The following MACROD2 variants were observed in gnomAD, a reference collection of about 807,000 sequenced individuals.
MACROD2 encodes the protein mono-ADP ribosylhydrolase 2.
In MACROD2, 36 loss-of-function variants were observed where a neutral mutation model predicts 70.4. That is an observed-to-expected ratio of 0.51 (90% CI 0.39 to 0.68). The LOEUF is 0.68. MACROD2 is among the 30% of genes least tolerant of loss of function. The pLI, the probability that MACROD2 is intolerant of heterozygous loss-of-function variation, is 0.00. For synonymous variants in MACROD2, 172 were observed against 178.8 expected (o/e 0.96, Z 0.30); for missense variants, 496 against 538.4 (o/e 0.92, Z 0.78).
chr20:14,016,612 C>T (rs1019913172), intron 2 of MACROD2, among the ~76,000 whole-genome samples: 2 of 151,904 alleles, frequency 1.3e-5, no homozygotes, highest in Admixed American at 6.6e-5. Context: ...CATGTTGATA[C>T]CCAGTTTTCC....
intron 2 of MACROD2, among the ~76,000 whole-genome samples, chr20:14,008,700 G>A (rs146802857): frequency 2.4e-3 from 359 of 152,140 alleles, no homozygotes; most frequent in African/African-American, 8.3e-3. Flanking sequence ...GAGGCATCAC[G>A]CTACCTGACT....
intron 3 of MACROD2, among the ~76,000 whole-genome samples, chr20:14,471,265 C>T (rs1229139052): frequency 6.6e-6 from 1 of 152,152 alleles, no homozygotes; most frequent in Non-Finnish European, 1.5e-5. Flanking sequence ...ACTGTCTAAC[C>T]AGTCCCAATG....
At chr20:14,504,720 A>G (rs1600313100) in intron 4 of MACROD2, among the ~76,000 whole-genome samples, 1 of 152,204 alleles carries the variant, frequency 6.6e-6, no homozygotes, top group South Asian at 2.1e-4. Context: ...TTTGAATATG[A>G]TACAGTATCC....
chr20:14,503,730 ACT>A (rs1430401191), intron 4 of MACROD2, among the ~76,000 whole-genome samples: 2 of 152,166 alleles, frequency 1.3e-5, no homozygotes, highest in African/African-American at 2.4e-5. Flanking sequence ...AAATCCACTA[ACT>A]CTGCAACTTC....
At chr20:14,099,004 G>T (rs112233803) in intron 3 of MACROD2, among the ~76,000 whole-genome samples, 1 of 152,158 alleles carries the variant, frequency 6.6e-6, no homozygotes, top group Admixed American at 6.5e-5. Flanking sequence ...ACGTGGCTGG[G>T]TGTGGTGGCT....
At chr20:15,781,735 A>T (rs995618914) in intron 8 of MACROD2, among the ~76,000 whole-genome samples, 6 of 152,160 alleles carry the variant, frequency 3.9e-5, no homozygotes, top group African/African-American at 1.4e-4. Context: ...TTTAGAGAGG[A>T]CACAGTCAAA....
chr20:14,161,240 T>G (rs2055183545), intron 3 of MACROD2, among the ~76,000 whole-genome samples: 1 of 149,442 alleles, frequency 6.7e-6, no homozygotes, highest in African/African-American at 2.5e-5. Context: ...CAGACTGGAG[T>G]GCAGTGGCAT....
At chr20:15,989,583 T>A (rs1276202428) in intron 15 of MACROD2, among the ~76,000 whole-genome samples, 1 of 149,982 alleles carries the variant, frequency 6.7e-6, no homozygotes, top group Admixed American at 6.6e-5. Flanking sequence ...AAGTAGCAAT[T>A]TTTTTTACTT....
Position 15,881,449 on chromosome 20 carries a change from C to T in MACROD2, c.728-4315C>T, listed in dbSNP as rs146693591. Among the ~76,000 whole-genome samples, 445 of 152,174 alleles carry T rather than the reference C, an allele frequency of 2.9e-3. 3 individuals carry two copies. The highest frequency in any genetic ancestry group is 0.01 in the African/African-American group (420 of 41,524). The stretch of plus-strand genomic sequence containing the variant: ...CATGCACTAAGTCAGCCTCTGGATA[C>T]GGGCCACAGGACCAGTTGAGTAATG... On this transcript the variant is annotated intron_variant, in intron 9 of 17. Transcript: ENST00000684519.
intron 4 of MACROD2, among the ~76,000 whole-genome samples, chr20:14,573,728 G>T (rs1980378119): frequency 1.3e-5 from 2 of 152,110 alleles, no homozygotes; most frequent in African/African-American, 4.8e-5. Context: ...AGAGTAGACT[G>T]TTGAAAAAGT....
intron 5 of MACROD2, among the ~76,000 whole-genome samples, chr20:15,151,057 A>G (rs1252161902): frequency 6.6e-6 from 1 of 152,002 alleles, no homozygotes; most frequent in Non-Finnish European, 1.5e-5. Context: ...ACGATGGTCT[A>G]CAGGGCTTCC....
chr20:14,980,154 G>A (rs2074783896), intron 5 of MACROD2, among the ~76,000 whole-genome samples: 2 of 152,064 alleles, frequency 1.3e-5, no homozygotes, highest in Non-Finnish European at 2.9e-5. Context: ...TCATCCTGAA[G>A]GTGGAAGTAT....
At chr20:15,353,692 T>A (rs1055740119) in intron 6 of MACROD2, among the ~76,000 whole-genome samples, 21 of 146,104 alleles carry the variant, frequency 1.4e-4, no homozygotes, top group African/African-American at 5.4e-4. Context: ...GGGCAAAGGA[T>A]ATGAACAGAC....
intron 6 of MACROD2, among the ~76,000 whole-genome samples, chr20:15,370,659 A>G (rs2045479404): frequency 6.6e-6 from 1 of 152,250 alleles, no homozygotes; most frequent in South Asian, 2.1e-4. Flanking sequence ...GCTATTGTAT[A>G]AGACTGAGAC....
At chr20:14,193,978 G>C (rs1243139774) in intron 3 of MACROD2, among the ~76,000 whole-genome samples, 1 of 152,184 alleles carries the variant, frequency 6.6e-6, no homozygotes, top group East Asian at 1.9e-4. Context: ...ATTGGAAGAA[G>C]GTCCAATTGA....
At chr20:15,019,888 T>C (rs980987243) in intron 5 of MACROD2, among the ~76,000 whole-genome samples, 2 of 152,180 alleles carry the variant, frequency 1.3e-5, no homozygotes, top group African/African-American at 4.8e-5. Flanking sequence ...AACATTTTAT[T>C]GATGAAATTA....
intron 8 of MACROD2, among the ~76,000 whole-genome samples, chr20:15,788,354 C>T (rs770485729): frequency 6.6e-6 from 1 of 152,130 alleles, no homozygotes; most frequent in Non-Finnish European, 1.5e-5. Flanking sequence ...CCTTGTCCTT[C>T]GTAATAGTGG....
chr20:14,264,915 A>G (rs1279898895), intron 3 of MACROD2, among the ~76,000 whole-genome samples: 2 of 152,194 alleles, frequency 1.3e-5, no homozygotes, highest in Non-Finnish European at 2.9e-5. Flanking sequence ...AATTTTGTTG[A>G]GGGGCAAATA....
chr20:14,214,583 GTTCTT>G (rs1429559164), intron 3 of MACROD2, among the ~76,000 whole-genome samples: 3 of 126,208 alleles, frequency 2.4e-5, no homozygotes, highest in African/African-American at 8.8e-5. Flanking sequence ...ATCCAGCAAT[GTTCTT>G]TTTTTTTTTT....
Sources: gnomAD v4.1 joint callset for allele counts (sites outside exome capture counted in the v4.1 genomes callset) on GRCh38, gnomAD v4.1.1 for gene constraint, MANE v1.5 for transcripts, NCBI Gene and HGNC (gene_info 2026-07-23, HGNC 2026-07-21) for gene names.